Variants in USP43 observed in about 807,000 individuals in gnomAD.
The protein encoded by USP43 is ubiquitin carboxyl-terminal hydrolase 43.
Under a neutral mutation model 90.7 loss-of-function variants are expected in USP43, and 33 were observed. The observed-to-expected ratio is 0.36, with a 90% CI of 0.28 to 0.49. USP43 has a LOEUF of 0.49. USP43 is among the 20% of genes least tolerant of loss of function. The pLI, the probability that USP43 is intolerant of heterozygous loss-of-function variation, is 0.98. For synonymous variants in USP43, 598 were observed against 615.8 expected (o/e 0.97, Z 0.43); for missense variants, 1,274 against 1,476.4 (o/e 0.86, Z 2.25).
In USP43 at chr17:9,655,084, GAAAAAAAAAA is replaced by G. The variant is rs57985388; in HGVS notation, c.505-1302_505-1293del. ...CAAGGGAAAATTAAAAGAAAGAAAG[GAAAAAAAAAA>G]AAAAAAAAAAAAAAAAGCCCAGACT... On this transcript the variant is annotated intron_variant, in intron 1 of 14. Transcript: ENST00000285199. 5.0e-3 allele frequency among the ~76,000 whole-genome samples: 187 copies of G among 37,352 alleles called. 1 individual carries two copies. Among genetic ancestry groups the G allele is most frequent in the African/African-American group, 0.012 (173 of 14,956 alleles). 24.5% of individuals were successfully genotyped at this position (37,352 alleles called of 152,430 possible). A position where few individuals can be genotyped will look rare whatever the true frequency, so the allele number is the denominator to read the frequency against.
intron 6 of USP43, among the ~76,000 whole-genome samples, chr17:9,680,765 C>T (rs545185045): frequency 2.7e-4 from 41 of 151,936 alleles, no homozygotes; most frequent in African/African-American, 7.0e-4. Flanking sequence ...TCATCTTTGC[C>T]GTCAGGATTC....
chr17:9,683,462 A>T (rs1914420997), intron 7 of USP43, among the ~76,000 whole-genome samples: 1 of 152,162 alleles, frequency 6.6e-6, no homozygotes. Flanking sequence ...ATGTTTCTAA[A>T]AATGTATCTT....
Position 9,702,934 on chromosome 17 carries a change from A to G in USP43, c.2011+1234A>G, listed in dbSNP as rs192718070. ...GATGGTGGGCCAGCCTAGGCTGGTC[A>G]TGGTGAAGGTTATGGGAGCCACCAA... On this transcript the variant is annotated intron_variant, in intron 12 of 14. Transcript: ENST00000285199. 7.2e-5 allele frequency among the ~76,000 whole-genome samples: 11 copies of G among 152,316 alleles called. No homozygotes were observed. The East Asian group carries it at 1.5e-3, about 21-fold the overall frequency.
At position 9,701,437 on chromosome 17, in the gene USP43, A is replaced by G; in HGVS notation, c.1748A>G (p.Asp583Gly). Residue 583 changes from aspartate to glycine, a missense_variant, in exon 12 of 15, where the codon GAC (aspartate) becomes GGC (glycine). By Grantham distance (94) the Asp-to-Gly change is moderately conservative. Around this residue, in one of 6 missense-constraint regions of USP43, gnomAD observed 12 missense variants for 40.8 expected, o/e 0.29. Transcript: ENST00000285199. The surrounding 1 kb of genome is among the most constrained non-coding windows in gnomAD (Gnocchi z 7.2). ...AAGCTGAGTTTGTGGACGCTGCCTG[A>G]CATCCTCATCATCCACCTCAAAAGG... ...MVKLSLWTLP[D>G]ILIIHLKRFC... 1.9e-6 allele frequency: 3 copies of G among 1,599,822 alleles called. No individual in the cohort carries two copies. The highest frequency in any genetic ancestry group is 2.6e-6 in the Non-Finnish European group (3 of 1,173,474).
At chr17:9,646,760 A>ACTGTAG (rs1270718694) in intron 1 of USP43, among the ~76,000 whole-genome samples, 1 of 152,212 alleles carries the variant, frequency 6.6e-6, no homozygotes, top group Non-Finnish European at 1.5e-5. Flanking sequence ...TTCTAAGCCC[A>ACTGTAG]GTGGAATCTG....
Position 9,701,798 on chromosome 17 carries a change from C to T in USP43, c.2011+98C>T, listed in dbSNP as rs535670779. 2.3e-5 allele frequency: 25 copies of T among 1,095,256 alleles called. No individual in the cohort carries two copies. Among genetic ancestry groups the T allele is most frequent in the Non-Finnish European group, 2.8e-5 (22 of 787,652 alleles). The allele number at this position is 1,095,256 out of a possible 1,614,324, so 67.8% of individuals were successfully genotyped here. Reference sequence around the variant, plus strand: ...CTCAGATGCTGAGCTCCCTGGGGCACTTATTGAGATCCGACCCCTCACCCA... The same window carrying T: ...CTCAGATGCTGAGCTCCCTGGGGCATTTATTGAGATCCGACCCCTCACCCA... On this transcript the variant is annotated intron_variant, in intron 12 of 14. Transcript: ENST00000285199. The surrounding 1 kb of genome is among the most constrained non-coding windows in gnomAD (Gnocchi z 7.2).
At position 9,656,459 on chromosome 17, in the gene USP43, G is replaced by A; in HGVS notation, c.561G>A (p.Leu187=). The A allele has an allele frequency of 6.2e-7, 1 of 1,610,624 alleles. No individual in the cohort carries two copies. Residue 187 remains leucine (L), a synonymous_variant, in exon 2 of 15, where the codon CTG becomes CTA. Transcript: ENST00000285199. ...QFQGNSQHDA[L]EFLLWLLDRV... Reference sequence around the variant, plus strand: ...AAGGCAATTCCCAGCACGACGCCCTGGAATTCCTGCTCTGGTTGCTGGATC... The same window carrying A: ...AAGGCAATTCCCAGCACGACGCCCTAGAATTCCTGCTCTGGTTGCTGGATC...
chr17:9,668,823 G>A (rs951679948), intron 3 of USP43, among the ~76,000 whole-genome samples: 1 of 151,924 alleles, frequency 6.6e-6, no homozygotes, highest in Non-Finnish European at 1.5e-5. Flanking sequence ...AAAGCCGCTT[G>A]TAGGGCATCT....
At chr17:9,675,238 A>G (rs1365934230) in intron 4 of USP43, among the ~76,000 whole-genome samples, 1 of 152,224 alleles carries the variant, frequency 6.6e-6, no homozygotes, top group Non-Finnish European at 1.5e-5. Flanking sequence ...TGGCCCATTC[A>G]GAAGCTGGCA....
intron 14 of USP43, among the ~76,000 whole-genome samples, chr17:9,724,417 C>T (rs752928615): frequency 1.7e-4 from 26 of 152,154 alleles, no homozygotes; most frequent in Non-Finnish European, 3.4e-4. Context: ...TGGTGGCTCA[C>T]GCCTGTAATC....
intron 12 of USP43, among the ~76,000 whole-genome samples, chr17:9,705,444 A>T (rs945979720): frequency 1.3e-5 from 2 of 152,138 alleles, no homozygotes; most frequent in African/African-American, 2.4e-5. Flanking sequence ...GGACTGACTC[A>T]TTCTTTTACT....
At chr17:9,650,688 G>A (rs149047176) in intron 1 of USP43, among the ~76,000 whole-genome samples, 180 of 152,094 alleles carry the variant, frequency 1.2e-3, no homozygotes, top group African/African-American at 4.2e-3. Context: ...CACCACGCCC[G>A]GCCAACATAC....
chr17:9,728,682 C>T lies in USP43; in HGVS notation c.3064C>T (p.Pro1022Ser), dbSNP rs749659296. Residue 1022 changes from proline (P) to serine (S), a missense_variant, in exon 15 of 15, where the codon CCC (proline) becomes TCC (serine). By Grantham distance (74) the Pro-to-Ser change is moderately conservative. Transcript: ENST00000285199. This position sits in a 1 kb window ranked among gnomAD's most constrained non-coding sequence, Gnocchi z 6.2. ...ERAEVSPQVP[P>S]VSLVSGGLSP... ...GGCAGAGGTCTCTCCACAGGTGCCC[C>T]CCGTCTCCCTGGTGAGTGGCGGGCT... 3 of 1,612,420 alleles carry T rather than the reference C, an allele frequency of 1.9e-6. No homozygotes were observed. The highest frequency in any genetic ancestry group is 1.3e-5 in the African/African-American group (1 of 74,894).
Position 9,728,990 on chromosome 17 carries a change from A to G in USP43, c.3372A>G (p.Ter1124TrpextTer61). The G allele has an allele frequency of 6.4e-7, 1 of 1,561,086 alleles. No homozygotes were observed. The highest frequency in any genetic ancestry group is 8.7e-7 in the Non-Finnish European group (1 of 1,148,970). Residue 1124 changes from the stop codon to tryptophan (W), a stop_lost, in exon 15 of 15, where the codon TGA (stop) becomes TGG (tryptophan). Coordinates refer to ENST00000285199, the MANE Select transcript of USP43 (RefSeq NM_153210.5). This position sits in a 1 kb window ranked among gnomAD's most constrained non-coding sequence, Gnocchi z 6.2. ...RKKTLPESSF[*>W] ...AAACCTTACCGGAGTCCAGCTTTTG[A>G]TGGAGCGTGTCAGTATTGTGTGACG...
intron 2 of USP43, among the ~76,000 whole-genome samples, chr17:9,666,050 T>C (rs111636502): frequency 0.019 from 2,843 of 152,184 alleles, 74 homozygotes; most frequent in African/African-American, 0.056. Flanking sequence ...TTTGTGATAA[T>C]TTGCTGTCAC....
At position 9,728,715 on chromosome 17, in the gene USP43, G is replaced by T. The variant is rs200626439; in HGVS notation, c.3097G>T (p.Ala1033Ser). The change falls in exon 15 of 15, where the codon GCC (alanine) becomes TCC (serine). Residue 1033 changes from alanine (A) to serine (S), a missense_variant. Physicochemically the swap from Ala to Ser is moderately conservative, Grantham distance 99. Coordinates refer to ENST00000285199, the MANE Select transcript of USP43 (RefSeq NM_153210.5). This position sits in a 1 kb window ranked among gnomAD's most constrained non-coding sequence, Gnocchi z 6.2. Reference sequence around the variant, plus strand: ...CCTGGTGAGTGGCGGGCTGAGCCCTGCCATGGACGGGCAGGCTCCAGGCTC... The same window carrying T: ...CCTGGTGAGTGGCGGGCTGAGCCCTTCCATGGACGGGCAGGCTCCAGGCTC... ...VSLVSGGLSP[A>S]MDGQAPGSPP... The T allele has an allele frequency of 2.3e-4, 373 of 1,602,130 alleles. No individual in the cohort carries two copies. The highest frequency in any genetic ancestry group is 3.0e-4 in the Non-Finnish European group (350 of 1,174,926).
Position 9,701,823 on chromosome 17 carries a change from A to C in USP43, c.2011+123A>C. 1.3e-6 allele frequency: 1 copy of C among 795,002 alleles called. No homozygotes were observed. Among genetic ancestry groups the C allele is most frequent in the Non-Finnish European group, 1.9e-6 (1 of 522,370 alleles). The allele number at this position is 795,002 out of a possible 1,614,324, so 49.2% of individuals were successfully genotyped here. ...CTTATTGAGATCCGACCCCTCACCC[A>C]CCGCACACCAGGAAGATGAGGATGA... On this transcript the variant is annotated intron_variant, in intron 12 of 14. Coordinates refer to ENST00000285199, the MANE Select transcript of USP43 (RefSeq NM_153210.5). The surrounding 1 kb of genome is among the most constrained non-coding windows in gnomAD (Gnocchi z 7.2).
intron 3 of USP43, among the ~76,000 whole-genome samples, chr17:9,670,971 C>G (rs1913380037): frequency 6.6e-6 from 1 of 152,142 alleles, no homozygotes; most frequent in African/African-American, 2.4e-5. Flanking sequence ...CTGTCCCTGA[C>G]TCTCTCCTGG....
intron 1 of USP43, chr17:9,647,436 G>GC (rs1793398367): frequency 6.6e-6 from 1 of 152,160 alleles, no homozygotes. Context: ...GTGACCTTGA[G>GC]CAAGTTACCA....
Sources: gnomAD v4.1 joint callset for allele counts (sites outside exome capture counted in the v4.1 genomes callset) on GRCh38, gnomAD v4.1.1 for gene constraint, gnomAD v4.1.1 regional missense constraint, Gnocchi (gnomAD v3.1) non-coding constraint, MANE v1.5 for transcripts, NCBI Gene and HGNC (gene_info 2026-07-23, HGNC 2026-07-21) for gene names.